ERICH3: variants seen among roughly 807,000 people sequenced by gnomAD.
ERICH3 encodes glutamate rich 3, also known as glutamate-rich protein 3.
A neutral mutation model predicts 131.1 loss-of-function variants in ERICH3; 126 were observed. The observed-to-expected ratio is 0.96, with a 90% CI of 0.83 to 1.11. The LOEUF is 1.11. Among genes scored for constraint, ERICH3 ranks in the 50% most tolerant of loss-of-function variants. The probability of loss-of-function intolerance (pLI) is 0.00; values close to 1 mark genes in which losing one functional copy is unlikely to be tolerated. For missense variants in ERICH3, 2,050 were observed against 1,810.7 expected (o/e 1.13, Z -2.40); for synonymous variants, 695 against 644.6 (o/e 1.08, Z -1.18).
At chr1:74,591,043 C>T (rs1180097646) in intron 11 of ERICH3, among the ~76,000 whole-genome samples, 2 of 152,132 alleles carry the variant, frequency 1.3e-5, no homozygotes, top group African/African-American at 2.4e-5. Context: ...GTCTACTGTA[C>T]TATCCACCAT....
intron 8 of ERICH3, among the ~76,000 whole-genome samples, chr1:74,616,704 G>T (rs1041049629): frequency 1.3e-5 from 2 of 151,980 alleles, no homozygotes; most frequent in African/African-American, 2.4e-5. Flanking sequence ...TATAATTAGT[G>T]AAGGATCAAG....
chr1:74,636,096 A>G (rs1011411348), intron 6 of ERICH3, among the ~76,000 whole-genome samples, 184 bp downstream of exon 6: 4 of 152,176 alleles, frequency 2.6e-5, no homozygotes, highest in African/African-American at 4.8e-5. Context: ...AGTGACACAA[A>G]TTACAGGCCT....
chr1:74,571,010 A>C, intron 14 of ERICH3, 89 bp downstream of exon 14: 2 of 1,454,084 alleles, frequency 1.4e-6, no homozygotes, highest in South Asian at 2.7e-5. Context: ...GTGCACAGAC[A>C]CCAATAAAGG....
chr1:74,631,347 T>C (rs1353693515), intron 7 of ERICH3, among the ~76,000 whole-genome samples: 1 of 152,094 alleles, frequency 6.6e-6, no homozygotes, highest in African/African-American at 2.4e-5. Context: ...AACTATATTG[T>C]GTTTTTTAGG....
intron 11 of ERICH3, among the ~76,000 whole-genome samples, chr1:74,594,438 T>C (rs1326403298): frequency 6.6e-6 from 1 of 152,040 alleles, no homozygotes; most frequent in Non-Finnish European, 1.5e-5. Context: ...AAGTCTGCTC[T>C]CCCTCCTCAT....
rs777972661 is a variant in ERICH3 at position 74,571,726 on chromosome 1, C to A, written c.3984G>T (p.Lys1328Asn). ...GDMEGEGNTQKNEGMGGGRVV... is the reference protein window; with the variant it reads ...GDMEGEGNTQNNEGMGGGRVV... ...CCCTTCCTCCTCCCATGCCCTCATT[C>A]TTTTGTGTGTTTCCTTCTCCTTCCA... Residue 1328 changes from lysine (K) to asparagine (N), a missense_variant, in exon 14 of 15, where the codon AAG becomes AAT. Coordinates refer to ENST00000326665, the MANE Select transcript of ERICH3 (RefSeq NM_001002912.5). The A allele has an allele frequency of 6.2e-7, 1 of 1,614,170 alleles. No individual in the cohort carries two copies. Among genetic ancestry groups the A allele is most frequent in the South Asian group, 1.1e-5 (1 of 91,080 alleles).
At chr1:74,666,272 G>A (rs867757678) in intron 1 of ERICH3, among the ~76,000 whole-genome samples, 25 of 152,228 alleles carry the variant, frequency 1.6e-4, no homozygotes, top group Middle Eastern at 3.4e-3. Context: ...CAGCAAGATC[G>A]AGTAGACCCA....
At chr1:74,599,247 C>A (rs1648003282) in intron 11 of ERICH3, among the ~76,000 whole-genome samples, 1 of 151,862 alleles carries the variant, frequency 6.6e-6, no homozygotes, top group African/African-American at 2.4e-5. Context: ...TTTAAGATTC[C>A]TTTACATTCT....
At chr1:74,656,767 T>C (rs1441128351) in intron 1 of ERICH3, among the ~76,000 whole-genome samples, 1 of 151,842 alleles carries the variant, frequency 6.6e-6, no homozygotes, top group Non-Finnish European at 1.5e-5. Context: ...GTAGGGAGGG[T>C]TCATCAATAA....
At chr1:74,589,514 C>G in intron 12 of ERICH3, 117 bp downstream of exon 12, 1 of 997,822 alleles carries the variant, frequency 1.0e-6, no homozygotes, top group Non-Finnish European at 1.5e-6. Flanking sequence ...AGCAAAAAAT[C>G]TTGAATCCCT....
rs1646449527 is a variant in ERICH3, at chr1:74,643,011, T to C, written c.315+16A>G. 1 of 1,560,262 alleles carries C rather than the reference T, an allele frequency of 6.4e-7. No homozygotes were observed. The highest frequency in any genetic ancestry group is 2.2e-5 in the East Asian group (1 of 44,452). On this transcript the variant is annotated intron_variant, in intron 4 of 14. Coordinates refer to ENST00000326665, the MANE Select transcript of ERICH3 (RefSeq NM_001002912.5). Reference sequence around the variant, plus strand: ...AATAATACTATGAAGTAAAAGAGAGTTATATAACTCCTTACCTTAAACCTC... The same window carrying C: ...AATAATACTATGAAGTAAAAGAGAGCTATATAACTCCTTACCTTAAACCTC...
intron 8 of ERICH3, among the ~76,000 whole-genome samples, chr1:74,618,296 C>T (rs960761456): frequency 6.6e-6 from 1 of 151,920 alleles, no homozygotes; most frequent in African/African-American, 2.4e-5. Flanking sequence ...TAATCTGAGT[C>T]CTAAAAGATG....
intron 12 of ERICH3, 198 bp downstream of exon 12, chr1:74,589,433 T>G (rs750331497): frequency 3.3e-6 from 2 of 611,762 alleles, no homozygotes; most frequent in Non-Finnish European, 5.7e-6. Context: ...TATCGAGTAA[T>G]TTTTTAAGTG....
chr1:74,626,852 A>T (rs1451930519), intron 7 of ERICH3, among the ~76,000 whole-genome samples: 1 of 152,146 alleles, frequency 6.6e-6, no homozygotes, highest in East Asian at 1.9e-4. Flanking sequence ...GGCTCTACTG[A>T]TCATCCCCAG....
chr1:74,665,249 G>T (rs1447586441), intron 1 of ERICH3, among the ~76,000 whole-genome samples: 1 of 151,810 alleles, frequency 6.6e-6, no homozygotes, highest in Non-Finnish European at 1.5e-5. Context: ...CAGAGAGCAG[G>T]CCCTCACCAG....
chr1:74,580,010 A>C (rs1189567495), intron 12 of ERICH3: 2 of 502,666 alleles, frequency 4.0e-6, no homozygotes, highest in Non-Finnish European at 5.1e-6. Flanking sequence ...TTAGTATAAA[A>C]ACAAATATAT....
At chr1:74,591,646 C>A (rs1021210751) in intron 11 of ERICH3, among the ~76,000 whole-genome samples, 2 of 152,074 alleles carry the variant, frequency 1.3e-5, no homozygotes, top group Admixed American at 1.3e-4. Flanking sequence ...CTTACGGTAG[C>A]CACAGCTGGT....
chr1:74,627,034 A>T (rs1649441818), intron 7 of ERICH3, among the ~76,000 whole-genome samples: 1 of 152,194 alleles, frequency 6.6e-6, no homozygotes, highest in Non-Finnish European at 1.5e-5. Context: ...AGATGAATTT[A>T]TGTGTAAATT....
In ERICH3 at chr1:74,572,815, CTT is replaced by C; in HGVS notation, c.2893_2894del (p.Lys965GlufsTer6). ...TTGCCTCTTCAGAACCGTCCTCTCT[CTT>C]TGATGCTGTGTCCTCCATGGGTCCT... ...DTGPMEDTASKREDGSEEAIL... is the reference protein window; with the variant it reads ...DTGPMEDTASXREDGSEEAIL... On this transcript the variant is annotated frameshift_variant, in exon 14 of 15. Transcript: ENST00000326665. LOFTEE classifies it high-confidence loss of function. 6.2e-7 allele frequency: 1 copy of C among 1,613,894 alleles called. No individual in the cohort carries two copies. The highest frequency in any genetic ancestry group is 1.7e-5 in the Admixed American group (1 of 60,014).
Sources: gnomAD v4.1 joint callset for allele counts (sites outside exome capture counted in the v4.1 genomes callset) on GRCh38, gnomAD v4.1.1 for gene constraint, MANE v1.5 for transcripts, NCBI Gene and HGNC (gene_info 2026-07-23, HGNC 2026-07-21) for gene names.